FKBP9: variants seen among roughly 807,000 people sequenced by gnomAD.
The protein encoded by FKBP9 is FKBP prolyl isomerase 9, also known as peptidyl-prolyl cis-trans isomerase FKBP9.
Under a neutral mutation model 55.6 loss-of-function variants are expected in FKBP9, and 27 were observed. The ratio of observed to expected loss-of-function variants is 0.49; its 90% CI spans 0.36 to 0.67. The LOEUF (loss-of-function observed/expected upper bound fraction) is 0.67, where lower values mean the gene tolerates loss of function less well. Ranked by LOEUF, FKBP9 falls within the 30% of genes least tolerant of loss-of-function variation. The pLI, the probability that FKBP9 is intolerant of heterozygous loss-of-function variation, is 0.00. For missense variants in FKBP9, 539 were observed against 742.8 expected (o/e 0.73, Z 3.19); for synonymous variants, 267 against 296.5 (o/e 0.90, Z 1.02).
At position 32,957,501 on chromosome 7, in the gene FKBP9, C is replaced by T; in HGVS notation, c.-73C>T. ...GAGACCCGGTCCACGTTTGCAAACG[C>T]AGCCGAACGCCCAGGCCGACCCGTG... On this transcript the variant is annotated 5_prime_UTR_variant, in exon 1 of 10. Coordinates refer to ENST00000242209, the MANE Select transcript of FKBP9 (RefSeq NM_007270.5). The T allele has an allele frequency of 8.5e-7, 1 of 1,181,700 alleles. No homozygotes were observed. The highest frequency in any genetic ancestry group is 1.1e-6 in the Non-Finnish European group (1 of 910,336). 73.2% of individuals were successfully genotyped at this position (1,181,700 alleles called of 1,614,324 possible).
chr7:32,989,426 C>CT (rs1784641645), intron 6 of FKBP9, among the ~76,000 whole-genome samples: 3 of 150,252 alleles, frequency 2.0e-5, no homozygotes, highest in African/African-American at 4.9e-5. Flanking sequence ...TTTCTTTTTT[C>CT]TTTTTTTGAG....
intron 1 of FKBP9, 58 bp from the exon 2 acceptor site, chr7:32,974,559 A>G (rs1032109869): frequency 4.0e-6 from 6 of 1,514,152 alleles, no homozygotes; most frequent in Admixed American, 1.8e-5. Context: ...GTTGGTTTTT[A>G]CTGAGGAAGG....
At position 32,980,885 on chromosome 7, in the gene FKBP9, C is replaced by T. The variant is rs370165530; in HGVS notation, c.893+332C>T. ...TAGTAGCTAGGACGATAGGCGTGTG[C>T]CACCATGCTTGGCTAATGTTTTATT... On this transcript the variant is annotated intron_variant, in intron 5 of 9. Transcript: ENST00000242209. 1.8e-4 allele frequency among the ~76,000 whole-genome samples: 28 copies of T among 151,804 alleles called. 2 individuals carry two copies. Among genetic ancestry groups the T allele is most frequent in the East Asian group, 1.4e-3 (7 of 5,182 alleles).
At chr7:32,980,845 T>C (rs1401240266) in intron 5 of FKBP9, among the ~76,000 whole-genome samples, 1 of 151,880 alleles carries the variant, frequency 6.6e-6, no homozygotes, top group Non-Finnish European at 1.5e-5. Context: ...AGCAATTCTC[T>C]CATCTCAGCC....
chr7:32,994,316 G>A (rs1265666656), intron 6 of FKBP9, among the ~76,000 whole-genome samples: 9 of 152,198 alleles, frequency 5.9e-5, no homozygotes, highest in Non-Finnish European at 1.3e-4. Flanking sequence ...GCTTATGCTG[G>A]ATGTTTCCAT....
At chr7:32,985,174 C>G (rs983248182) in intron 5 of FKBP9, among the ~76,000 whole-genome samples, 1 of 124,402 alleles carries the variant, frequency 8.0e-6, no homozygotes. Flanking sequence ...TTCTTTCTTT[C>G]TTTCTTTTTT....
chr7:33,004,094 C>T (rs967345068), intron 9 of FKBP9, among the ~76,000 whole-genome samples: 19 of 152,138 alleles, frequency 1.2e-4, no homozygotes, highest in African/African-American at 4.6e-4. Flanking sequence ...CTCTCTTTCT[C>T]TCGTAGGCCG....
intron 1 of FKBP9, among the ~76,000 whole-genome samples, chr7:32,973,580 AGTGTGTGT>A (rs10566069): frequency 1.4e-5 from 2 of 144,010 alleles, no homozygotes; most frequent in Non-Finnish European, 3.0e-5. Flanking sequence ...AAAAAAATCA[AGTGTGTGT>A]GTGTGTGTGT....
At chr7:32,977,924 CT>C (rs1226725947) in intron 4 of FKBP9, among the ~76,000 whole-genome samples, 3,756 of 124,928 alleles carry the variant, frequency 0.03, 130 homozygotes, top group African/African-American at 0.11. Flanking sequence ...TATATATACA[CT>C]TTTTTTTTTT....
At chr7:32,964,223 G>A (rs1358222832) in intron 1 of FKBP9, among the ~76,000 whole-genome samples, 1 of 152,230 alleles carries the variant, frequency 6.6e-6, no homozygotes, top group Non-Finnish European at 1.5e-5. Context: ...TGAGGCCATT[G>A]GCAGCTGGCC....
intron 3 of FKBP9, 132 bp from the exon 4 acceptor site, chr7:32,976,222 A>C: frequency 1.0e-6 from 1 of 993,604 alleles, no homozygotes. Flanking sequence ...GAAAAGATCC[A>C]TAAATGTCTA....
chr7:32,960,717 G>A (rs543999036), intron 1 of FKBP9, among the ~76,000 whole-genome samples: 13 of 152,234 alleles, frequency 8.5e-5, no homozygotes, highest in South Asian at 2.1e-4. Flanking sequence ...GTTTTTCAGC[G>A]TCTATCCCTC....
chr7:32,992,015 TG>T (rs1279472800), intron 6 of FKBP9, among the ~76,000 whole-genome samples: 1 of 152,216 alleles, frequency 6.6e-6, no homozygotes, highest in East Asian at 1.9e-4. Flanking sequence ...TCCACCCATG[TG>T]TCCAAGGCCA....
In FKBP9 at chr7:32,980,497, C is replaced by T. The variant is rs778104048; in HGVS notation, c.837C>T (p.Asp279=). 2 of 1,613,878 alleles carry T rather than the reference C, an allele frequency of 1.2e-6. No homozygotes were observed. The highest frequency in any genetic ancestry group is 1.7e-6 in the Non-Finnish European group (2 of 1,179,868). ...GTGAGCGGATAAGTCAAAGTGGGGA[C>T]TTTCTCAGGTATCATTACAATGGCA... ...ENCERISQSG[D]FLRYHYNGTL... is the part of the protein sequence containing the mutation. Residue 279 remains aspartate, a synonymous_variant, in exon 5 of 10, where the codon GAC becomes GAT. Transcript: ENST00000242209.
chr7:33,005,092 C>T, intron 9 of FKBP9, 83 bp from the exon 10 acceptor site: 2 of 1,555,570 alleles, frequency 1.3e-6, no homozygotes, highest in Non-Finnish European at 1.7e-6. Context: ...GCCCTGTCAC[C>T]CCCAGACTGC....
At chr7:32,987,424 G>C (rs550072409) in intron 5 of FKBP9, among the ~76,000 whole-genome samples, 1 of 151,322 alleles carries the variant, frequency 6.6e-6, no homozygotes, top group Admixed American at 6.6e-5. Context: ...GAGCCCAGGA[G>C]GTTGAGGCTG....
At chr7:32,967,651 T>A (rs1784170937) in intron 1 of FKBP9, among the ~76,000 whole-genome samples, 2 of 152,274 alleles carry the variant, frequency 1.3e-5, no homozygotes, top group African/African-American at 2.4e-5. Flanking sequence ...TTTAGATTGC[T>A]TCTAGCTTTT....
At chr7:33,005,029 A>T (rs1267044103) in intron 9 of FKBP9, 146 bp from the exon 10 acceptor site, 4 of 1,398,732 alleles carry the variant, frequency 2.9e-6, no homozygotes, top group Non-Finnish European at 3.8e-6. Flanking sequence ...ATCATAGGTC[A>T]TATAGCTGCC....
At chr7:32,991,448 G>C (rs3109438) in intron 6 of FKBP9, among the ~76,000 whole-genome samples, 1 of 152,182 alleles carries the variant, frequency 6.6e-6, no homozygotes, top group African/African-American at 2.4e-5. Context: ...ATAGGAGCTC[G>C]TGCTGATCCC....
Sources: gnomAD v4.1 joint callset for allele counts (sites outside exome capture counted in the v4.1 genomes callset) on GRCh38, gnomAD v4.1.1 for gene constraint, MANE v1.5 for transcripts, NCBI Gene and HGNC (gene_info 2026-07-23, HGNC 2026-07-21) for gene names.